INPP4B: variants seen among roughly 807,000 people sequenced by gnomAD.
The protein encoded by INPP4B is inositol polyphosphate-4-phosphatase type II B.
Under a neutral mutation model 122.5 loss-of-function variants are expected in INPP4B, and 55 were observed. The ratio of observed to expected loss-of-function variants is 0.45; its 90% CI spans 0.36 to 0.56. The LOEUF is 0.56. INPP4B is among the 20% of genes least tolerant of loss of function. The pLI, the probability that INPP4B is intolerant of heterozygous loss-of-function variation, is 0.00. For synonymous variants in INPP4B, 403 were observed against 388.7 expected (o/e 1.04, Z -0.43); for missense variants, 1,000 against 1,097.7 (o/e 0.91, Z 1.26).
At chr4:142,535,171 A>G (rs1446706991) in intron 2 of INPP4B, among the ~76,000 whole-genome samples, 2 of 152,212 alleles carry the variant, frequency 1.3e-5, no homozygotes, top group Non-Finnish European at 2.9e-5. Context: ...ATGATTCAAC[A>G]AAAGTCCCTG....
At chr4:142,730,488 T>C (rs1294670124) in intron 1 of INPP4B, among the ~76,000 whole-genome samples, 1 of 152,188 alleles carries the variant, frequency 6.6e-6, no homozygotes, top group African/African-American at 2.4e-5. Flanking sequence ...CTATCCCAGT[T>C]CCATTCTTCA....
chr4:142,555,151 A>G (rs1382667142), intron 2 of INPP4B, among the ~76,000 whole-genome samples: 2 of 152,190 alleles, frequency 1.3e-5, no homozygotes, highest in Admixed American at 6.5e-5. Flanking sequence ...ATGGCTGTGA[A>G]CCATAGCAAC....
intron 1 of INPP4B, among the ~76,000 whole-genome samples, chr4:142,836,404 G>A (rs927125285): frequency 1.3e-5 from 2 of 152,022 alleles, no homozygotes; most frequent in Admixed American, 6.6e-5. Flanking sequence ...AGAAATCTAG[G>A]TGAGAGTGTG....
intron 2 of INPP4B, among the ~76,000 whole-genome samples, chr4:142,646,437 G>A (rs941945122): frequency 1.3e-5 from 2 of 152,070 alleles, no homozygotes; most frequent in African/African-American, 4.8e-5. Flanking sequence ...TTTCTTTATA[G>A]CAATATTGGA....
Position 142,152,066 on chromosome 4 carries a change from C to CTTTT in INPP4B, c.1564-6074_1564-6071dup, listed in dbSNP as rs572092121. 2.1e-3 allele frequency among the ~76,000 whole-genome samples: 144 copies of CTTTT among 69,940 alleles called. 13 individuals carry two copies. The highest frequency in any genetic ancestry group is 7.4e-3 in the African/African-American group (133 of 17,990). 45.9% of individuals were successfully genotyped at this position (69,940 alleles called of 152,430 possible). On this transcript the variant is annotated intron_variant, in intron 17 of 25. Coordinates refer to ENST00000262992, the MANE Select transcript of INPP4B (RefSeq NM_001101669.3). ...TGCCTAACATGCTTTTTTGTCTTTT[C>CTTTT]TTTTTTTTTTTTTTTTTTTTTTTTT...
chr4:142,438,869 AC>A (rs1268259518), intron 3 of INPP4B, among the ~76,000 whole-genome samples: 1 of 152,130 alleles, frequency 6.6e-6, no homozygotes, highest in East Asian at 1.9e-4. Flanking sequence ...TAAACAAAGA[AC>A]CCCAGCAAGA....
At chr4:142,499,252 C>T (rs1244733252) in intron 2 of INPP4B, among the ~76,000 whole-genome samples, 2 of 152,098 alleles carry the variant, frequency 1.3e-5, no homozygotes, top group Non-Finnish European at 1.5e-5. Context: ...TCTTGTTGTT[C>T]ATTTGACTTA....
At chr4:142,751,283 CAA>C (rs70949187) in intron 1 of INPP4B, among the ~76,000 whole-genome samples, 9,674 of 104,854 alleles carry the variant, frequency 0.092, 875 homozygotes, top group African/African-American at 0.29. Context: ...TTAACTGTGT[CAA>C]AAAAAAAAAA....
intron 2 of INPP4B, among the ~76,000 whole-genome samples, chr4:142,585,795 G>C (rs753396497): frequency 1.3e-5 from 2 of 151,582 alleles, no homozygotes; most frequent in Non-Finnish European, 2.9e-5. Context: ...GAGAGTATAA[G>C]AGATTAGAGA....
chr4:142,481,133 CAAAA>C (rs551228788), intron 2 of INPP4B, among the ~76,000 whole-genome samples: 6 of 57,890 alleles, frequency 1.0e-4, no homozygotes, highest in Admixed American at 3.7e-4. Flanking sequence ...GACTCTGTCT[CAAAA>C]AAAAAAAAAA....
intron 9 of INPP4B, among the ~76,000 whole-genome samples, chr4:142,282,743 C>A (rs1751780042): frequency 6.6e-6 from 1 of 152,088 alleles, no homozygotes; most frequent in Non-Finnish European, 1.5e-5. Flanking sequence ...CTCCAGTCTG[C>A]TAAGACACTA....
intron 5 of INPP4B, among the ~76,000 whole-genome samples, chr4:142,417,507 T>C (rs1465613994): frequency 3.3e-5 from 5 of 152,160 alleles, no homozygotes; most frequent in African/African-American, 1.2e-4. Flanking sequence ...AAAAATGTAT[T>C]AAATTCCTAA....
chr4:142,653,300 A>G (rs4690716), intron 2 of INPP4B, among the ~76,000 whole-genome samples: 130,154 of 152,180 alleles, frequency 0.86, 55,713 homozygotes, highest in African/African-American at 0.9. Flanking sequence ...TACCATTCAG[A>G]ACATAGGCAT....
chr4:142,422,593 C>G (rs1807173769), intron 5 of INPP4B, among the ~76,000 whole-genome samples: 1 of 151,830 alleles, frequency 6.6e-6, no homozygotes, highest in Non-Finnish European at 1.5e-5. Context: ...TCACTGGAGC[C>G]CAAGAGTTCA....
At position 142,316,387 on chromosome 4, in the gene INPP4B, G is replaced by A. The variant is rs181230440; in HGVS notation, c.373-1625C>T. 7.7e-4 allele frequency among the ~76,000 whole-genome samples: 117 copies of A among 152,232 alleles called. 2 individuals carry two copies. The highest frequency in any genetic ancestry group is 7.0e-3 in the Admixed American group (107 of 15,288). The stretch of plus-strand genomic sequence containing the variant: ...GCCTCAAAGGACAAGGAAACTATAC[G>A]CAAATAGTGGTGGTGGACAATGTAT... On this transcript the variant is annotated intron_variant, in intron 7 of 25. Coordinates refer to ENST00000262992, the MANE Select transcript of INPP4B (RefSeq NM_001101669.3).
chr4:142,632,937 T>C (rs773039909), intron 2 of INPP4B, among the ~76,000 whole-genome samples: 25 of 151,304 alleles, frequency 1.7e-4, no homozygotes, highest in Non-Finnish European at 2.5e-4. Context: ...TTTTAAATAA[T>C]AATAAACATA....
intron 1 of INPP4B, among the ~76,000 whole-genome samples, chr4:142,803,975 C>T (rs1042631809): frequency 1.3e-5 from 2 of 151,874 alleles, no homozygotes; most frequent in Admixed American, 6.6e-5. Context: ...AGGAGAATCG[C>T]TTGAACCCGG....
intron 8 of INPP4B, among the ~76,000 whole-genome samples, chr4:142,310,396 C>A (rs1765059093): frequency 6.6e-6 from 1 of 152,030 alleles, no homozygotes; most frequent in East Asian, 1.9e-4. Context: ...AAAATTAATT[C>A]AGCCTGTTTC....
intron 23 of INPP4B, among the ~76,000 whole-genome samples, chr4:142,105,358 GT>G (rs2152672068): frequency 6.6e-6 from 1 of 152,224 alleles, no homozygotes; most frequent in African/African-American, 2.4e-5. Context: ...ACTACTAAAG[GT>G]TGATGAGTGC....
Sources: allele counts gnomAD v4.1 joint callset (sites outside exome capture counted in the v4.1 genomes callset), GRCh38; gene constraint gnomAD v4.1.1; transcripts MANE v1.5; gene names NCBI Gene and HGNC (gene_info 2026-07-23, HGNC 2026-07-21).